Variants in CADPS observed in about 807,000 individuals in gnomAD.
CADPS encodes calcium dependent secretion activator.
A neutral mutation model predicts 167.3 loss-of-function variants in CADPS; 57 were observed. That is an observed-to-expected ratio of 0.34 (90% confidence interval 0.28 to 0.42). The LOEUF (loss-of-function observed/expected upper bound fraction) is 0.42, where lower values mean the gene tolerates loss of function less well. CADPS is among the 20% of genes least tolerant of loss of function. CADPS has a pLI of 1.00. For missense variants in CADPS, 1,414 were observed against 1,738.1 expected, an observed-to-expected ratio of 0.81 and a Z score of 3.32; for synonymous variants, 676 against 635.3, an observed-to-expected ratio of 1.06 and a Z score of -0.96.
At chr3:62,621,704 C>G (rs1187226124) in intron 6 of CADPS, among the ~76,000 whole-genome samples, 1 of 151,702 alleles carries the variant, frequency 6.6e-6, no homozygotes, top group Admixed American at 6.6e-5. Flanking sequence ...AAGCCTAGTA[C>G]CCTTTAGTTA....
At chr3:62,703,552 G>A (rs1429574838) in intron 3 of CADPS, among the ~76,000 whole-genome samples, 1 of 152,020 alleles carries the variant, frequency 6.6e-6, no homozygotes, top group Non-Finnish European at 1.5e-5. Flanking sequence ...GAATTCTAAC[G>A]CCAGTTTTTT....
chr3:62,442,206 A>T, intron 27 of CADPS, among the ~76,000 whole-genome samples: 1 of 145,474 alleles, frequency 6.9e-6, no homozygotes, highest in East Asian at 2.0e-4. Flanking sequence ...GTATGCTGGT[A>T]AACTGACTCT....
chr3:62,621,437 T>C (rs1472869296), intron 6 of CADPS, among the ~76,000 whole-genome samples: 1 of 152,104 alleles, frequency 6.6e-6, no homozygotes, highest in Non-Finnish European at 1.5e-5. Flanking sequence ...GTGACTTCAT[T>C]CCACCACAAG....
chr3:62,653,055 C>T (rs193299185), intron 4 of CADPS, among the ~76,000 whole-genome samples: 1 of 152,150 alleles, frequency 6.6e-6, no homozygotes, highest in Non-Finnish European at 1.5e-5. Flanking sequence ...TAACTAACAG[C>T]CTTGTTTTCA....
At chr3:62,530,576 A>T (rs997842736) in intron 13 of CADPS, 1 of 888,574 alleles carries the variant, frequency 1.1e-6, no homozygotes, top group Non-Finnish European at 1.4e-6. Context: ...GCAAAAGTGG[A>T]AGTGATGGCA....
chr3:62,725,099 C>T (rs1015743896), intron 3 of CADPS, among the ~76,000 whole-genome samples: 28 of 152,328 alleles, frequency 1.8e-4, no homozygotes, highest in Admixed American at 1.1e-3. Flanking sequence ...CTACCAGCCT[C>T]GGAATTCCCA....
chr3:62,429,742 G>T (rs551338789), intron 28 of CADPS, among the ~76,000 whole-genome samples: 2 of 151,998 alleles, frequency 1.3e-5, no homozygotes, highest in Non-Finnish European at 2.9e-5. Context: ...AGACACAGAA[G>T]TATTGTGTGG....
At chr3:62,599,804 A>ATAATATATTATATATATTGTATAT (rs1562714694) in intron 6 of CADPS, among the ~76,000 whole-genome samples, 12 of 13,188 alleles carry the variant, frequency 9.1e-4, no homozygotes, top group Non-Finnish European at 1.5e-3. Context: ...TATAATATAT[A>ATAATATATTATATATATTGTATAT]ATAAATAATA....
chr3:62,579,532 G>A (rs1251567782), intron 8 of CADPS, among the ~76,000 whole-genome samples: 1 of 152,114 alleles, frequency 6.6e-6, no homozygotes, highest in African/African-American at 2.4e-5. Flanking sequence ...AAGAGAGAGA[G>A]GGAGGACACA....
chr3:62,861,248 A>G (rs375274480), intron 1 of CADPS, among the ~76,000 whole-genome samples: 49 of 152,230 alleles, frequency 3.2e-4, no homozygotes, highest in Admixed American at 1.0e-3. Context: ...AATGTTATGC[A>G]GAAGAGTTTT....
intron 17 of CADPS, among the ~76,000 whole-genome samples, chr3:62,507,631 A>C (rs1269498248): frequency 6.6e-6 from 1 of 152,176 alleles, no homozygotes; most frequent in Non-Finnish European, 1.5e-5. Flanking sequence ...CAGCAGCTTC[A>C]GCATCACCTG....
At chr3:62,634,216 T>C (rs1343913263) in intron 6 of CADPS, among the ~76,000 whole-genome samples, 1 of 152,136 alleles carries the variant, frequency 6.6e-6, no homozygotes, top group Non-Finnish European at 1.5e-5. Context: ...ATCTTTACTT[T>C]TCTGCTTTGC....
intron 3 of CADPS, among the ~76,000 whole-genome samples, chr3:62,697,851 A>G (rs2080623599): frequency 6.6e-6 from 1 of 152,134 alleles, no homozygotes; most frequent in Non-Finnish European, 1.5e-5. Flanking sequence ...TTCTCTAATC[A>G]TTAGTGATGT....
chr3:62,671,416 T>C (rs1455685768), intron 3 of CADPS, among the ~76,000 whole-genome samples: 1 of 152,130 alleles, frequency 6.6e-6, no homozygotes. Flanking sequence ...TCTGTGTAAG[T>C]GTGGCAGCCA....
intron 3 of CADPS, among the ~76,000 whole-genome samples, chr3:62,747,004 T>G (rs951028010): frequency 6.6e-6 from 1 of 152,124 alleles, no homozygotes; most frequent in African/African-American, 2.4e-5. Flanking sequence ...ATAAAGTCAT[T>G]GAGAGGTGTG....
chr3:62,807,264 T>C (rs895924470), intron 1 of CADPS, among the ~76,000 whole-genome samples: 17 of 140,326 alleles, frequency 1.2e-4, no homozygotes, highest in African/African-American at 4.4e-4. Flanking sequence ...TCAAATTTCC[T>C]TTTTTTTTTT....
At chr3:62,666,152 T>A (rs916446607) in intron 3 of CADPS, among the ~76,000 whole-genome samples, 3 of 152,200 alleles carry the variant, frequency 2.0e-5, no homozygotes, top group Admixed American at 6.5e-5. Flanking sequence ...CTGGCTTTTC[T>A]GTCTCCCACT....
intron 23 of CADPS, among the ~76,000 whole-genome samples, chr3:62,476,053 G>T (rs1266195891): frequency 6.6e-6 from 1 of 152,124 alleles, no homozygotes; most frequent in Non-Finnish European, 1.5e-5. Context: ...CTCCTTGAGG[G>T]CAAAAGACAG....
rs548353351 is a variant in CADPS, at chr3:62,845,637, T to C, written c.441+28952A>G. 2.0e-5 allele frequency among the ~76,000 whole-genome samples: 3 copies of C among 152,318 alleles called. No individual in the cohort carries two copies. The South Asian group carries it at 6.2e-4, about 32-fold the overall frequency. ...CTGTTGCCCTGAAGGTTTTGGCATG[T>C]GATTTGTTGATATGTCCCTTAAATT... On this transcript the variant is annotated intron_variant, in intron 1 of 29. Coordinates refer to ENST00000383710, the MANE Select transcript of CADPS (RefSeq NM_003716.4).
Sources: gnomAD v4.1 joint callset for allele counts (sites outside exome capture counted in the v4.1 genomes callset) on GRCh38, gnomAD v4.1.1 for gene constraint, MANE v1.5 for transcripts, NCBI Gene and HGNC (gene_info 2026-07-23, HGNC 2026-07-21) for gene names.